PIP5K1B: variants seen among roughly 807,000 people sequenced by gnomAD.
PIP5K1B encodes phosphatidylinositol-4-phosphate 5-kinase type 1 beta, also known as phosphatidylinositol 4-phosphate 5-kinase type-1 beta.
In PIP5K1B, 42 loss-of-function variants were observed where a neutral mutation model predicts 67.0. The observed-to-expected ratio is 0.63, with a 90% CI of 0.49 to 0.81. The LOEUF (loss-of-function observed/expected upper bound fraction) is 0.81, where lower values mean the gene tolerates loss of function less well. Among genes scored for constraint, PIP5K1B ranks in the 30% least tolerant of loss-of-function variants. The pLI is 0.00. For synonymous variants in PIP5K1B, 214 were observed against 231.4 expected (o/e 0.92, Z 0.68); for missense variants, 459 against 646.3 (o/e 0.71, Z 3.14).
At chr9:68,770,481 G>A (rs1285329320) in intron 2 of PIP5K1B, among the ~76,000 whole-genome samples, 2 of 152,164 alleles carry the variant, frequency 1.3e-5, no homozygotes, top group Non-Finnish European at 2.9e-5. Context: ...TATTGACTTG[G>A]TTGTCTGGAG....
rs1827088400 is a variant in PIP5K1B at position 68,705,629 on chromosome 9, C to CCCCCTCCG, written c.-373_-372insCTCCGCCC. The CCCCCTCCG allele has an allele frequency of 7.1e-6, 1 of 141,298 alleles. No individual in the cohort carries two copies. The highest frequency in any genetic ancestry group is 1.6e-5 in the Non-Finnish European group (1 of 63,746). 8.8% of individuals were successfully genotyped at this position (141,298 alleles called of 1,614,324 possible). ...GCCCGCCGCCCCCTCCGCCCTCCCG[C>CCCCCTCCG]CCCTCCCGCCCCTCCCGCCCCTCGC... On this transcript the variant is annotated 5_prime_UTR_variant, in exon 1 of 16. Transcript: ENST00000265382.
At chr9:68,864,505 G>A (rs1249451905) in intron 5 of PIP5K1B, among the ~76,000 whole-genome samples, 2 of 152,182 alleles carry the variant, frequency 1.3e-5, no homozygotes, top group African/African-American at 2.4e-5. Context: ...CATATATGTT[G>A]TCTCTAGCTT....
chr9:68,720,815 T>G (rs1490324648), intron 1 of PIP5K1B, among the ~76,000 whole-genome samples: 2 of 152,248 alleles, frequency 1.3e-5, no homozygotes, highest in African/African-American at 4.8e-5. Context: ...ATTTTGTCAC[T>G]GCCGTGGCAG....
At chr9:68,800,780 G>C (rs1216514843) in intron 2 of PIP5K1B, among the ~76,000 whole-genome samples, 1 of 152,142 alleles carries the variant, frequency 6.6e-6, no homozygotes, top group Non-Finnish European at 1.5e-5. Flanking sequence ...AATCAGAAAG[G>C]TTGCCTTTTT....
chr9:68,917,760 G>C lies in PIP5K1B; in HGVS notation c.983+1G>C. The C allele has an allele frequency of 6.2e-7, 1 of 1,611,012 alleles. No homozygotes were observed. Among genetic ancestry groups the C allele is most frequent in the East Asian group, 2.2e-5 (1 of 44,850 alleles). On this transcript the variant is annotated splice_donor_variant, in intron 9 of 15. Coordinates refer to ENST00000265382, the MANE Select transcript of PIP5K1B (RefSeq NM_003558.4). LOFTEE classifies it high-confidence loss of function. Reference sequence around the variant, plus strand: ...GGATAATCACAGAGAACCCAGACACGTAAGTGCAGCCACACACCTACCCAC... The same window carrying C: ...GGATAATCACAGAGAACCCAGACACCTAAGTGCAGCCACACACCTACCCAC...
intron 2 of PIP5K1B, among the ~76,000 whole-genome samples, chr9:68,803,140 C>T (rs1209180378): frequency 6.6e-6 from 1 of 152,110 alleles, no homozygotes; most frequent in African/African-American, 2.4e-5. Flanking sequence ...ATTGGGATGG[C>T]CCCTTGATTT....
intron 12 of PIP5K1B, among the ~76,000 whole-genome samples, chr9:68,931,441 GTC>G (rs1169351027): frequency 4.6e-5 from 7 of 152,144 alleles, no homozygotes; most frequent in Non-Finnish European, 1.0e-4. Flanking sequence ...TAATTTAATA[GTC>G]TCTTTTGAGC....
intron 2 of PIP5K1B, among the ~76,000 whole-genome samples, chr9:68,810,809 G>A (rs1049461736): frequency 6.7e-6 from 1 of 150,288 alleles, no homozygotes; most frequent in Non-Finnish European, 1.5e-5. Flanking sequence ...TGTAGAACAA[G>A]TTTTATAGGA....
chr9:68,872,496 A>G lies in PIP5K1B; in HGVS notation c.201-4181A>G, dbSNP rs1430662277. Among the ~76,000 whole-genome samples, 7 of 152,388 alleles carry G rather than the reference A, an allele frequency of 4.6e-5. No homozygotes were observed. The East Asian group carries it at 1.3e-3, about 29-fold the overall frequency. ...GGCTCAGTTTGGGGGAAGAGGAATC[A>G]GTTTATGGCTTTTAACCTCTAACTT... On this transcript the variant is annotated intron_variant, in intron 5 of 15. Coordinates refer to ENST00000265382, the MANE Select transcript of PIP5K1B (RefSeq NM_003558.4).
intron 1 of PIP5K1B, among the ~76,000 whole-genome samples, chr9:68,733,927 T>C (rs3945288): frequency 0.96 from 145,634 of 152,250 alleles, 69,739 homozygotes; most frequent in African/African-American, 0.97. Context: ...CGTGAGCCAC[T>C]GTGCCCGGCA....
rs188405792 is a variant in PIP5K1B, at chr9:68,985,346, G to T, written c.1503-5794G>T. ...GGCTCACTGCCACCTCCGTCTTCCGGATTCAAGCAATTCTCCTGCCTCAGC... is the reference window on the plus strand; with the variant it reads ...GGCTCACTGCCACCTCCGTCTTCCGTATTCAAGCAATTCTCCTGCCTCAGC... On this transcript the variant is annotated intron_variant, in intron 14 of 15. Transcript: ENST00000265382. Among the ~76,000 whole-genome samples the T allele has an allele frequency of 4.0e-3, 601 of 152,052 alleles. 2 individuals are homozygous for T. The highest frequency in any genetic ancestry group is 0.014 in the African/African-American group (576 of 41,454).
At chr9:68,925,125 A>G (rs961339120) in intron 12 of PIP5K1B, among the ~76,000 whole-genome samples, 49 of 151,206 alleles carry the variant, frequency 3.2e-4, no homozygotes, top group African/African-American at 1.1e-3. Flanking sequence ...GACGTAATCT[A>G]ATTTTTTTTT....
intron 14 of PIP5K1B, among the ~76,000 whole-genome samples, chr9:68,977,677 C>T (rs1403604437): frequency 2.2e-5 from 3 of 134,524 alleles, no homozygotes; most frequent in South Asian, 2.5e-4. Context: ...TTTTTCGAGA[C>T]GGAGTCTCGC....
chr9:68,886,664 A>G (rs1318695651), intron 6 of PIP5K1B, among the ~76,000 whole-genome samples: 1 of 152,222 alleles, frequency 6.6e-6, no homozygotes, highest in African/African-American at 2.4e-5. Flanking sequence ...AACCAGGAAG[A>G]GTTTTCCAGA....
At chr9:68,807,540 G>A (rs1232406677) in intron 2 of PIP5K1B, among the ~76,000 whole-genome samples, 1 of 152,146 alleles carries the variant, frequency 6.6e-6, no homozygotes, top group Non-Finnish European at 1.5e-5. Context: ...ACTATCAGCT[G>A]TTCTTTGTAT....
intron 12 of PIP5K1B, among the ~76,000 whole-genome samples, chr9:68,930,491 G>A (rs1048584207): frequency 1.3e-5 from 2 of 152,090 alleles, no homozygotes; most frequent in Non-Finnish European, 2.9e-5. Context: ...CAGTTACTCA[G>A]CAACACCTAT....
intron 4 of PIP5K1B, chr9:68,824,031 G>T (rs142722587): frequency 2.0e-6 from 1 of 510,152 alleles, no homozygotes; most frequent in African/African-American, 1.9e-5. Context: ...CAGAAGTGCC[G>T]CAGTATATTT....
chr9:68,868,565 T>C (rs75847252), intron 5 of PIP5K1B, among the ~76,000 whole-genome samples: 1,621 of 152,312 alleles, frequency 0.011, 11 homozygotes, highest in Non-Finnish European at 0.017. Context: ...ATTGTGGCAA[T>C]AAAGCATGGG....
intron 4 of PIP5K1B, among the ~76,000 whole-genome samples, chr9:68,828,586 T>C (rs562936252): frequency 6.6e-5 from 10 of 152,328 alleles, no homozygotes; most frequent in African/African-American, 2.2e-4. Context: ...CGTGACCACA[T>C]TCCAAGGAAA....
Sources: gnomAD v4.1 joint callset for allele counts (sites outside exome capture counted in the v4.1 genomes callset) on GRCh38, gnomAD v4.1.1 for gene constraint, MANE v1.5 for transcripts, NCBI Gene and HGNC (gene_info 2026-07-23, HGNC 2026-07-21) for gene names.